PCMT1: variants seen among roughly 807,000 people sequenced by gnomAD.
The protein encoded by PCMT1 is protein-L-isoaspartate (D-aspartate) O-methyltransferase, also known as protein-L-isoaspartate(D-aspartate) O-methyltransferase.
Under a neutral mutation model 29.2 loss-of-function variants are expected in PCMT1, and 9 were observed. The ratio of observed to expected loss-of-function variants is 0.31; its 90% CI spans 0.19 to 0.54. PCMT1 has a LOEUF of 0.54. PCMT1 is among the 20% of genes least tolerant of loss of function. The probability of loss-of-function intolerance (pLI) is 0.95; values close to 1 mark genes in which losing one functional copy is unlikely to be tolerated. For synonymous variants in PCMT1, 98 were observed against 97.5 expected (o/e 1.00, Z -0.03); for missense variants, 184 against 282.2 (o/e 0.65, Z 2.49).
intron 1 of PCMT1, among the ~76,000 whole-genome samples, chr6:149,767,381 C>T (rs1242508284): frequency 6.6e-6 from 1 of 151,832 alleles, no homozygotes; most frequent in African/African-American, 2.4e-5. Flanking sequence ...TTTATGGTGA[C>T]TTGCACTTTC....
intron 4 of PCMT1, among the ~76,000 whole-genome samples, chr6:149,790,961 G>A (rs1271126190): frequency 1.3e-5 from 2 of 152,044 alleles, no homozygotes; most frequent in Admixed American, 6.6e-5. Flanking sequence ...AGCCTTGATT[G>A]CACCACTGCA....
chr6:149,805,841 T>C (rs1239548498), intron 7 of PCMT1, among the ~76,000 whole-genome samples: 3 of 151,270 alleles, frequency 2.0e-5, no homozygotes, highest in African/African-American at 4.9e-5. Flanking sequence ...CTCGGGAGGC[T>C]GAGGCAGGAG....
At chr6:149,777,263 A>G (rs545813724) in intron 3 of PCMT1, among the ~76,000 whole-genome samples, 100 of 152,378 alleles carry the variant, frequency 6.6e-4, no homozygotes, top group African/African-American at 2.1e-3. Context: ...CTGTTTTATA[A>G]TAAAATGGTG....
chr6:149,790,295 A>G (rs947618316), intron 4 of PCMT1, among the ~76,000 whole-genome samples: 2 of 152,162 alleles, frequency 1.3e-5, no homozygotes, highest in African/African-American at 4.8e-5. Context: ...CTAGGGGTGT[A>G]TACGGTCTGT....
intron 1 of PCMT1, among the ~76,000 whole-genome samples, chr6:149,769,151 T>G (rs1787206680): frequency 6.6e-6 from 1 of 152,022 alleles, no homozygotes; most frequent in South Asian, 2.1e-4. Flanking sequence ...GGCATTGGTT[T>G]GATTGGTTTT....
In PCMT1 at chr6:149,808,935, A is replaced by C. The variant is rs113572228; in HGVS notation, c.*38-1681A>C. On this transcript the variant is annotated intron_variant, in intron 7 of 7. Transcript: ENST00000464889. ...ACAGGTGTGAGCCACTGCCCCTGGC[A>C]AATTGTAGTAAATTATTTAAAAATA... 2.4e-5 allele frequency among the ~76,000 whole-genome samples: 3 copies of C among 123,386 alleles called. No homozygotes were observed. The South Asian group carries it at 9.0e-4, about 37-fold the overall frequency. 80.9% of individuals were successfully genotyped at this position (123,386 alleles called of 152,430 possible). A position where few individuals can be genotyped will look rare whatever the true frequency, so the allele number is the denominator to read the frequency against.
chr6:149,772,878 G>A lies in PCMT1; in HGVS notation c.161-260G>A, dbSNP rs149213514. The stretch of plus-strand genomic sequence containing the variant: ...TAAAAGTACAAAAAATTAGCCGGGC[G>A]TGGTGGTGGGGGCCTGTAGTCCCAG... On this transcript the variant is annotated intron_variant, in intron 2 of 7. Coordinates refer to ENST00000464889, the MANE Select transcript of PCMT1 (RefSeq NM_001360452.2). Among the ~76,000 whole-genome samples the A allele has an allele frequency of 4.0e-3, 603 of 152,054 alleles. 10 individuals carry two copies. The highest frequency in any genetic ancestry group is 0.014 in the African/African-American group (567 of 41,486).
chr6:149,790,516 C>CTTTTTTT (rs80356200), intron 4 of PCMT1, among the ~76,000 whole-genome samples: 3 of 137,208 alleles, frequency 2.2e-5, no homozygotes, highest in Non-Finnish European at 3.2e-5. Flanking sequence ...GTTTTCTTTT[C>CTTTTTTT]TTTTTTTTTT....
chr6:149,750,183 G>C, intron 1 of PCMT1: 1 of 622,874 alleles, frequency 1.6e-6, no homozygotes, highest in Non-Finnish European at 2.7e-6. Flanking sequence ...GCCAGGGGCC[G>C]CTGCTGGTGG....
At chr6:149,786,688 G>A (rs1194520859) in intron 3 of PCMT1, among the ~76,000 whole-genome samples, 2 of 150,552 alleles carry the variant, frequency 1.3e-5, no homozygotes, top group African/African-American at 4.9e-5. Context: ...GGTCGCGGCC[G>A]GGCAGAGGCG....
chr6:149,796,537 C>G, intron 6 of PCMT1, 37 bp downstream of exon 6: 1 of 1,404,416 alleles, frequency 7.1e-7, no homozygotes. Context: ...TGTTTTTATT[C>G]AACTAAAACT....
At chr6:149,767,448 CTTAA>C (rs1787136863) in intron 1 of PCMT1, among the ~76,000 whole-genome samples, 1 of 151,034 alleles carries the variant, frequency 6.6e-6, no homozygotes, top group Non-Finnish European at 1.5e-5. Flanking sequence ...GAATCTTGCT[CTTAA>C]TTTTTATTTT....
chr6:149,752,202 A>T (rs1432826665), intron 1 of PCMT1, among the ~76,000 whole-genome samples: 1 of 143,504 alleles, frequency 7.0e-6, no homozygotes, highest in Non-Finnish European at 1.5e-5. Context: ...AGATGTCAAC[A>T]TTTTTTTTTT....
intron 1 of PCMT1, among the ~76,000 whole-genome samples, chr6:149,757,353 T>C (rs564589900): frequency 6.6e-6 from 1 of 152,208 alleles, no homozygotes; most frequent in Non-Finnish European, 1.5e-5. Context: ...GTTAATGAGA[T>C]CTTAGGCTGT....
chr6:149,750,634 G>C (rs1786276596), intron 1 of PCMT1, among the ~76,000 whole-genome samples: 2 of 152,144 alleles, frequency 1.3e-5, no homozygotes, highest in Admixed American at 1.3e-4. Context: ...AGCCTTTGCA[G>C]GTCCTGGATC....
At chr6:149,758,185 A>ATTT (rs58659986) in intron 1 of PCMT1, among the ~76,000 whole-genome samples, 3 of 100,902 alleles carry the variant, frequency 3.0e-5, no homozygotes, top group African/African-American at 4.1e-5. Context: ...CGCCCAACCA[A>ATTT]TTTTTTTTTT....
At chr6:149,783,283 C>A (rs1270860012) in intron 3 of PCMT1, among the ~76,000 whole-genome samples, 2 of 152,048 alleles carry the variant, frequency 1.3e-5, no homozygotes, top group Non-Finnish European at 2.9e-5. Flanking sequence ...CAGGCATGCA[C>A]CACCATGCCT....
intron 1 of PCMT1, among the ~76,000 whole-genome samples, chr6:149,767,349 C>T (rs762311416): frequency 1.2e-4 from 18 of 151,816 alleles, no homozygotes; most frequent in Non-Finnish European, 1.8e-4. Context: ...CATGAGTCAC[C>T]GCACCCAGCC....
At chr6:149,804,357 C>CTATAATT (rs767970737) in intron 7 of PCMT1, among the ~76,000 whole-genome samples, 33 of 151,716 alleles carry the variant, frequency 2.2e-4, no homozygotes, top group Non-Finnish European at 3.5e-4. Flanking sequence ...AACATCTTGC[C>CTATAATT]TATAATTTAT....
Sources: allele counts gnomAD v4.1 joint callset (sites outside exome capture counted in the v4.1 genomes callset), GRCh38; gene constraint gnomAD v4.1.1; transcripts MANE v1.5; gene names NCBI Gene and HGNC (gene_info 2026-07-23, HGNC 2026-07-21).